DGAT2: variants seen among roughly 807,000 people sequenced by gnomAD.
DGAT2 encodes acyl-CoA retinol O-fatty-acyltransferase.
A neutral mutation model predicts 48.4 loss-of-function variants in DGAT2; 33 were observed. The ratio of observed to expected loss-of-function variants is 0.68; its 90% CI spans 0.52 to 0.91. The LOEUF (loss-of-function observed/expected upper bound fraction) is 0.91. DGAT2 is among the 40% of genes least tolerant of loss of function. The probability of loss-of-function intolerance (pLI) is 0.00; values close to 1 mark genes in which losing one functional copy is unlikely to be tolerated. For missense variants in DGAT2, 446 were observed against 493.7 expected, an observed-to-expected ratio of 0.90 and a Z score of 0.92; for synonymous variants, 191 against 194.1, an observed-to-expected ratio of 0.98 and a Z score of 0.13.
At position 75,796,383 on chromosome 11, in the gene DGAT2, C is replaced by T; in HGVS notation, c.485C>T (p.Pro162Leu). The T allele has an allele frequency of 6.2e-7, 1 of 1,614,174 alleles. No individual in the cohort carries two copies. The highest frequency in any genetic ancestry group is 8.5e-7 in the Non-Finnish European group (1 of 1,180,026). ...AGGAACTATATCTTTGGATACCACC[C>T]CCATGGTATCATGGGCCTGGGTGCC... ...TTRNYIFGYH[P>L]HGIMGLGAFC... Residue 162 changes from proline to leucine, a missense_variant, in exon 5 of 8, where the codon CCC becomes CTC. Physicochemically the swap from Pro to Leu is moderately conservative, Grantham distance 98 (BLOSUM62 -3). Coordinates refer to ENST00000228027, the MANE Select transcript of DGAT2 (RefSeq NM_032564.5).
intron 2 of DGAT2, among the ~76,000 whole-genome samples, chr11:75,785,792 G>A (rs1944916442): frequency 6.6e-6 from 1 of 152,246 alleles, no homozygotes; most frequent in Admixed American, 6.5e-5. Flanking sequence ...GGTGCATGGG[G>A]CGCTCTGAGA....
chr11:75,790,846 T>A (rs746116700), intron 4 of DGAT2, 115 bp downstream of exon 4: 17 of 1,027,232 alleles, frequency 1.7e-5, no homozygotes, highest in Non-Finnish European at 2.4e-5. Flanking sequence ...CTTCATTTCC[T>A]TTCTACTGTG....
intron 1 of DGAT2, among the ~76,000 whole-genome samples, chr11:75,772,468 G>A (rs1261603503): frequency 6.6e-6 from 1 of 152,092 alleles, no homozygotes; most frequent in Non-Finnish European, 1.5e-5. Flanking sequence ...TTACCTCAGC[G>A]CCTTTGCATA....
chr11:75,798,135 G>A, intron 6 of DGAT2, 92 bp from the exon 7 acceptor site: 1 of 1,315,518 alleles, frequency 7.6e-7, no homozygotes, highest in East Asian at 2.3e-5. Flanking sequence ...CTGGGGGAGG[G>A]GGATGCTTGG....
In DGAT2 at chr11:75,768,881, C is replaced by T. The variant is rs372760019; in HGVS notation, c.-111C>T. On this transcript the variant is annotated 5_prime_UTR_variant, in exon 1 of 8. Transcript: ENST00000228027. ...CCTAGCCGCCCAGCCTCGACGCCGTCCCGGGACCCCTGTGCTCTGCGCGAA... is the reference window on the plus strand; with the variant it reads ...CCTAGCCGCCCAGCCTCGACGCCGTTCCGGGACCCCTGTGCTCTGCGCGAA... 267 of 1,289,952 alleles carry T rather than the reference C, an allele frequency of 2.1e-4. 3 individuals carry two copies. In the South Asian group the frequency reaches 5.1e-3, roughly 25 times the overall value. The allele number at this position is 1,289,952 out of a possible 1,614,324, so 79.9% of individuals were successfully genotyped here.
chr11:75,800,738 G>A lies in DGAT2; in HGVS notation c.*230G>A. ...GGTGGCTAAATCTGGGCCTAATCTG[G>A]GTGGCTCAGCTAACCTCTCTTCTTC... On this transcript the variant is annotated 3_prime_UTR_variant, in exon 8 of 8. Transcript: ENST00000228027. 2.0e-6 allele frequency: 1 copy of A among 503,626 alleles called. No individual in the cohort carries two copies. The highest frequency in any genetic ancestry group is 2.4e-5 in the South Asian group (1 of 41,870). 31.2% of individuals were successfully genotyped at this position (503,626 alleles called of 1,614,324 possible).
At chr11:75,793,678 G>A (rs1945015788) in intron 4 of DGAT2, 1 of 152,364 alleles carries the variant, frequency 6.6e-6, no homozygotes, top group Non-Finnish European at 1.5e-5. Flanking sequence ...ATAGGAAGGG[G>A]ACAAAAAGAT....
intron 1 of DGAT2, chr11:75,773,780 A>G (rs554716310): frequency 1.3e-5 from 2 of 152,398 alleles, no homozygotes; most frequent in African/African-American, 2.4e-5. Context: ...ATGACTGTGC[A>G]GAGTGATCTG....
At chr11:75,771,382 G>C (rs1435063963) in intron 1 of DGAT2, among the ~76,000 whole-genome samples, 1 of 152,116 alleles carries the variant, frequency 6.6e-6, no homozygotes, top group African/African-American at 2.4e-5. Context: ...ACCTGCCTGT[G>C]TCCTCAGGGT....
In DGAT2 at chr11:75,768,953, G is replaced by A. The variant is rs774471022; in HGVS notation, c.-39G>A. ...GCATGGGCCAGGGGCGCGGGGTGAA[G>A]CGGCTTCCCGCGGGGCCGTGACTGG... On this transcript the variant is annotated 5_prime_UTR_variant, in exon 1 of 8. Coordinates refer to ENST00000228027, the MANE Select transcript of DGAT2 (RefSeq NM_032564.5). 6 of 1,443,170 alleles carry A rather than the reference G, an allele frequency of 4.2e-6. No individual in the cohort carries two copies. Among genetic ancestry groups the A allele is most frequent in the Non-Finnish European group, 5.5e-6 (6 of 1,100,424 alleles). 89.4% of individuals were successfully genotyped at this position (1,443,170 alleles called of 1,614,324 possible). A position where few individuals can be genotyped will look rare whatever the true frequency, so the allele number is the denominator to read the frequency against.
intron 1 of DGAT2, among the ~76,000 whole-genome samples, chr11:75,774,680 CAGCTTCTCCTTGTGA>C (rs1248852825): frequency 1.3e-5 from 2 of 152,202 alleles, no homozygotes; most frequent in East Asian, 3.9e-4. Context: ...TTCTTGTCCT[CAGCTTCTCCTTGTGA>C]AAATGGTGCA....
chr11:75,799,807 C>T (rs958665574), intron 7 of DGAT2, among the ~76,000 whole-genome samples: 3 of 151,726 alleles, frequency 2.0e-5, no homozygotes, highest in Non-Finnish European at 2.9e-5. Context: ...TTGGTAGAGA[C>T]GATTTTCACC....
chr11:75,794,622 A>G (rs1327951164), intron 4 of DGAT2: 2 of 152,250 alleles, frequency 1.3e-5, no homozygotes, highest in African/African-American at 4.8e-5. Context: ...CAGTGCTGTT[A>G]CATGCATGAG....
At chr11:75,785,697 G>T (rs183351390) in intron 2 of DGAT2, among the ~76,000 whole-genome samples, 1 of 152,294 alleles carries the variant, frequency 6.6e-6, no homozygotes, top group Admixed American at 6.5e-5. Flanking sequence ...AGTCCCTCTG[G>T]GCAACCCACT....
rs909764961 is a variant in DGAT2 at position 75,791,927 on chromosome 11, GA to G, written c.429+1197del. On this transcript the variant is annotated intron_variant, in intron 4 of 7. Coordinates refer to ENST00000228027, the MANE Select transcript of DGAT2 (RefSeq NM_032564.5). ...ATGGGCAGACTTTCTCAAGCCTGCTGAGCCTCATCTGCAAAATGGAGCTGTC... is the reference window on the plus strand; with the variant it reads ...ATGGGCAGACTTTCTCAAGCCTGCTGGCCTCATCTGCAAAATGGAGCTGTC... Among the ~76,000 whole-genome samples, 6 of 152,346 alleles carry G rather than the reference GA, an allele frequency of 3.9e-5. No homozygotes were observed. The East Asian group carries it at 1.2e-3, about 29-fold the overall frequency.
chr11:75,782,905 A>G (rs1404680104), intron 1 of DGAT2, among the ~76,000 whole-genome samples: 1 of 152,154 alleles, frequency 6.6e-6, no homozygotes, highest in African/African-American at 2.4e-5. Flanking sequence ...TCTGGTCCCC[A>G]GTCTCCCTGG....
At chr11:75,787,512 G>A (rs1474089457) in intron 2 of DGAT2, among the ~76,000 whole-genome samples, 1 of 152,220 alleles carries the variant, frequency 6.6e-6, no homozygotes, top group African/African-American at 2.4e-5. Flanking sequence ...ACCATAATGT[G>A]CAGGAAGCAG....
chr11:75,798,354 A>G lies in DGAT2; in HGVS notation c.937A>G (p.Ile313Val), dbSNP rs1331245188. 5.6e-6 allele frequency: 9 copies of G among 1,614,012 alleles called. No individual in the cohort carries two copies. The highest frequency in any genetic ancestry group is 1.3e-5 in the African/African-American group (1 of 74,906). ...GAAATACATTGGTTTCGCCCCATGCATCTTCCATGGTCGAGGCCTCTTCTC... is the reference window on the plus strand; with the variant it reads ...GAAATACATTGGTTTCGCCCCATGCGTCTTCCATGGTCGAGGCCTCTTCTC... ...FQKYIGFAPC[I>V]FHGRGLFSSD... Residue 313 changes from isoleucine to valine, a missense_variant, in exon 7 of 8, where the codon ATC becomes GTC. Physicochemically the swap from Ile to Val is conservative, Grantham distance 29 (BLOSUM62 3). Transcript: ENST00000228027.
chr11:75,800,608 G>T lies in DGAT2; in HGVS notation c.*100G>T, dbSNP rs998661505. The T allele has an allele frequency of 1.2e-5, 16 of 1,387,398 alleles. No homozygotes were observed. Among genetic ancestry groups the T allele is most frequent in the Non-Finnish European group, 1.5e-5 (16 of 1,036,490 alleles). 85.9% of individuals were successfully genotyped at this position (1,387,398 alleles called of 1,614,324 possible). ...ATGGGTGTCTGTGGGTTATTTAAAA[G>T]AAATTATAACAATTTTGCTAAACCA... On this transcript the variant is annotated 3_prime_UTR_variant, in exon 8 of 8. Coordinates refer to ENST00000228027, the MANE Select transcript of DGAT2 (RefSeq NM_032564.5).
Sources: allele counts gnomAD v4.1 joint callset (sites outside exome capture counted in the v4.1 genomes callset), GRCh38; gene constraint gnomAD v4.1.1; transcripts MANE v1.5; gene names NCBI Gene and HGNC (gene_info 2026-07-23, HGNC 2026-07-21).